The following MAP4K4 variants were observed in gnomAD, a reference collection of about 807,000 sequenced individuals.
The protein encoded by MAP4K4 is HPK/GCK-like kinase HGK.
Under a neutral mutation model 189.6 loss-of-function variants are expected in MAP4K4, and 38 were observed. The ratio of observed to expected loss-of-function variants is 0.20; its 90% CI spans 0.15 to 0.26. The LOEUF (loss-of-function observed/expected upper bound fraction) is 0.26. Among genes scored for constraint, MAP4K4 ranks in the 10% least tolerant of loss-of-function variants. MAP4K4 has a pLI of 1.00. For synonymous variants in MAP4K4, 610 were observed against 624.3 expected (o/e 0.98, Z 0.34); for missense variants, 1,054 against 1,726.9 (o/e 0.61, Z 6.91).
intron 2 of MAP4K4, among the ~76,000 whole-genome samples, chr2:101,710,890 G>A (rs572718038): frequency 3.9e-5 from 6 of 152,288 alleles, no homozygotes; most frequent in African/African-American, 1.4e-4. Flanking sequence ...ATTGATTATG[G>A]TAATTGACTG....
At chr2:101,877,616 C>T (rs2098243447) in intron 27 of MAP4K4, among the ~76,000 whole-genome samples, 1 of 151,884 alleles carries the variant, frequency 6.6e-6, no homozygotes, top group Admixed American at 6.6e-5. Context: ...GCTGGGACTA[C>T]AGGCAAGTGC....
At chr2:101,776,868 C>G (rs957649000) in intron 2 of MAP4K4, among the ~76,000 whole-genome samples, 2 of 152,124 alleles carry the variant, frequency 1.3e-5, no homozygotes, top group South Asian at 2.1e-4. Flanking sequence ...CAAATAACCA[C>G]ATACCAAATA....
chr2:101,872,532 G>A (rs1287871445), intron 24 of MAP4K4, among the ~76,000 whole-genome samples: 3 of 152,154 alleles, frequency 2.0e-5, no homozygotes, highest in African/African-American at 7.2e-5. Context: ...TTCCACAGAA[G>A]ATTTGGTTTA....
chr2:101,758,098 C>G (rs1055999413), intron 2 of MAP4K4, among the ~76,000 whole-genome samples: 13 of 152,172 alleles, frequency 8.5e-5, no homozygotes, highest in Admixed American at 3.3e-4. Context: ...CTCAAAATAT[C>G]TTACTGTATA....
chr2:101,893,096 T>C (rs1484356941), exon 33 of MAP4K4: 1 of 456,510 alleles, frequency 2.2e-6, no homozygotes, highest in Non-Finnish European at 4.4e-6. Flanking sequence ...CCTGTTTGCT[T>C]CCCATCCCAC....
chr2:101,870,668 T>C, intron 23 of MAP4K4: 1 of 448,128 alleles, frequency 2.2e-6, no homozygotes, highest in South Asian at 2.2e-5. Context: ...AGCACCGCGC[T>C]GAGTCTCACA....
chr2:101,727,183 A>G (rs1040803421), intron 2 of MAP4K4, among the ~76,000 whole-genome samples: 3 of 152,180 alleles, frequency 2.0e-5, no homozygotes, highest in Admixed American at 2.0e-4. Flanking sequence ...TGAAGCCATT[A>G]CACCCTCTCA....
At chr2:101,838,278 A>G (rs2096822385) in intron 9 of MAP4K4, among the ~76,000 whole-genome samples, 1 of 152,224 alleles carries the variant, frequency 6.6e-6, no homozygotes, top group Non-Finnish European at 1.5e-5. Context: ...AAACTCCCCA[A>G]AATGATCTTT....
At chr2:101,720,617 T>C (rs540337142) in intron 2 of MAP4K4, among the ~76,000 whole-genome samples, 2 of 152,338 alleles carry the variant, frequency 1.3e-5, no homozygotes, top group African/African-American at 4.8e-5. Context: ...TAGAGGACAC[T>C]CTGGGTTTCT....
intron 2 of MAP4K4, among the ~76,000 whole-genome samples, chr2:101,745,940 C>T (rs984882237): frequency 2.6e-5 from 4 of 151,208 alleles, no homozygotes; most frequent in African/African-American, 9.8e-5. Context: ...TCAGTCTACA[C>T]TCAGATCAAA....
intron 24 of MAP4K4, 142 bp from the exon 25 acceptor site, chr2:101,873,505 G>A (rs1440480402): frequency 3.6e-6 from 2 of 557,880 alleles, no homozygotes; most frequent in Admixed American, 2.7e-5. Flanking sequence ...TCCCCGCAGA[G>A]CATTTTTTGG....
chr2:101,816,383 A>G (rs2095715550), intron 3 of MAP4K4, among the ~76,000 whole-genome samples: 1 of 152,140 alleles, frequency 6.6e-6, no homozygotes, highest in Admixed American at 6.5e-5. Context: ...AAGTACAGAA[A>G]CACTGTTGCT....
At chr2:101,841,388 T>C (rs1482879631) in intron 10 of MAP4K4, among the ~76,000 whole-genome samples, 2 of 152,306 alleles carry the variant, frequency 1.3e-5, no homozygotes, top group African/African-American at 4.8e-5. Context: ...ACAGAAGAGC[T>C]TATATGTGTA....
chr2:101,872,497 G>A (rs966903894), intron 24 of MAP4K4, among the ~76,000 whole-genome samples: 2 of 152,164 alleles, frequency 1.3e-5, no homozygotes, highest in Non-Finnish European at 1.5e-5. Flanking sequence ...TTGAGCACCC[G>A]TATTGAATTA....
At chr2:101,791,279 A>G (rs2092838751) in intron 3 of MAP4K4, among the ~76,000 whole-genome samples, 1 of 152,140 alleles carries the variant, frequency 6.6e-6, no homozygotes, top group Non-Finnish European at 1.5e-5. Flanking sequence ...TGTTGGCAAA[A>G]TTTAGTAGCA....
chr2:101,750,922 T>C (rs1284292732), intron 2 of MAP4K4, among the ~76,000 whole-genome samples: 4 of 152,102 alleles, frequency 2.6e-5, no homozygotes, highest in African/African-American at 9.7e-5. Flanking sequence ...ATTCAGATAA[T>C]GTTTGCTTCT....
chr2:101,764,851 A>G (rs2077928784), intron 2 of MAP4K4, among the ~76,000 whole-genome samples: 1 of 152,128 alleles, frequency 6.6e-6, no homozygotes, highest in Non-Finnish European at 1.5e-5. Context: ...ATCCCTTGAA[A>G]TCCTAGATGC....
intron 2 of MAP4K4, among the ~76,000 whole-genome samples, chr2:101,737,451 ATATATATATATTTTTTTTTTTT>A (rs2060782661): frequency 2.8e-5 from 1 of 36,126 alleles, no homozygotes; most frequent in Non-Finnish European, 4.4e-5. Flanking sequence ...ATATATATAT[ATATATATATATTTTTTTTTTTT>A]TTTTTTTTTT....
intron 16 of MAP4K4, 89 bp downstream of exon 16, chr2:101,861,075 G>T: frequency 8.2e-7 from 1 of 1,223,084 alleles, no homozygotes; most frequent in East Asian, 2.5e-5. Context: ...AGTTTAGTTT[G>T]TCACCACACT....
Sources: gnomAD v4.1 joint callset for allele counts (sites outside exome capture counted in the v4.1 genomes callset) on GRCh38, gnomAD v4.1.1 for gene constraint, MANE v1.5 for transcripts, NCBI Gene and HGNC (gene_info 2026-07-23, HGNC 2026-07-21) for gene names.